Variants in STOX1 observed in about 807,000 individuals in gnomAD.
STOX1 encodes the protein storkhead box 1, also known as storkhead-box protein 1.
A neutral mutation model predicts 74.8 loss-of-function variants in STOX1; 57 were observed. The observed-to-expected ratio is 0.76, with a 90% CI of 0.62 to 0.95. The LOEUF (loss-of-function observed/expected upper bound fraction) is 0.95, where lower values mean the gene tolerates loss of function less well. STOX1 is among the 40% of genes least tolerant of loss of function. The pLI is 0.00. For synonymous variants in STOX1, 375 were observed against 401.3 expected (o/e 0.93, Z 0.78); for missense variants, 1,010 against 1,117.0 (o/e 0.90, Z 1.37).
intron 1 of STOX1, among the ~76,000 whole-genome samples, chr10:68,828,692 A>C (rs1447461577): frequency 6.6e-6 from 1 of 152,040 alleles, no homozygotes; most frequent in African/African-American, 2.4e-5. Flanking sequence ...TGGCAGCTTT[A>C]TTATTATTAT....
At chr10:68,832,327 G>A (rs746563868) in intron 1 of STOX1, among the ~76,000 whole-genome samples, 2 of 152,198 alleles carry the variant, frequency 1.3e-5, no homozygotes, top group African/African-American at 4.8e-5. Context: ...TATAGCTGGG[G>A]TGTCTCCACC....
At chr10:68,858,359 C>G (rs1219803250) in intron 1 of STOX1, among the ~76,000 whole-genome samples, 1 of 152,110 alleles carries the variant, frequency 6.6e-6, no homozygotes, top group Non-Finnish European at 1.5e-5. Flanking sequence ...GCCTTGTGAA[C>G]ATATACTGCA....
At chr10:68,852,637 G>A (rs998410336) in intron 1 of STOX1, among the ~76,000 whole-genome samples, 11 of 150,660 alleles carry the variant, frequency 7.3e-5, no homozygotes, top group Admixed American at 2.0e-4. Flanking sequence ...AGGCTGTAGC[G>A]CAGTCTCACG....
chr10:68,885,110 G>A lies in STOX1; in HGVS notation c.1314G>A (p.Gln438=), dbSNP rs760893486. The change falls in exon 3 of 4, where the codon CAG becomes CAA. Residue 438 remains glutamine (Q), a synonymous_variant. Coordinates refer to ENST00000298596, the MANE Select transcript of STOX1 (RefSeq NM_152709.5). ...GGGATAGACACAAAGCCAGGAATCA[G>A]GGAAGTGAGTTTCAGCCAGGAAGCA... ...SRRDRHKARN[Q]GSEFQPGSIR... 1.2e-6 allele frequency: 2 copies of A among 1,613,108 alleles called. No homozygotes were observed. Among genetic ancestry groups the A allele is most frequent in the Non-Finnish European group, 1.7e-6 (2 of 1,179,386 alleles).
At chr10:68,839,315 T>A (rs1334866964) in intron 1 of STOX1, among the ~76,000 whole-genome samples, 2 of 152,152 alleles carry the variant, frequency 1.3e-5, no homozygotes, top group Non-Finnish European at 2.9e-5. Context: ...CTTGATCTCC[T>A]GGGCTCAAGC....
rs532985099 is a variant in STOX1 at position 68,878,943 on chromosome 10, AAC to A, written c.311-3012_311-3011del. ...TAGCTACTTTAACATTGCTGTCATT[AAC>A]ACCCTAACCCTCTACCAGTCCAAAG... On this transcript the variant is annotated intron_variant, in intron 1 of 3. Coordinates refer to ENST00000298596, the MANE Select transcript of STOX1 (RefSeq NM_152709.5). Among the ~76,000 whole-genome samples the A allele has an allele frequency of 2.3e-3, 347 of 152,302 alleles. 1 individual carries two copies. Among genetic ancestry groups the A allele is most frequent in the African/African-American group, 7.9e-3 (328 of 41,560 alleles).
At chr10:68,860,173 C>T (rs181325612) in intron 1 of STOX1, among the ~76,000 whole-genome samples, 261 of 151,478 alleles carry the variant, frequency 1.7e-3, no homozygotes, top group Non-Finnish European at 3.1e-3. Context: ...GAGGCTGAGG[C>T]AGAAGAATCA....
At position 68,852,248 on chromosome 10, in the gene STOX1, G is replaced by GATTTTTTTTTTTTTTTTTTTTTTTTT. The variant is rs200461358; in HGVS notation, c.310+24315_310+24316insATTTTTTTTTTTTTTTTTTTTTTTTT. Among the ~76,000 whole-genome samples the GATTTTTTTTTTTTTTTTTTTTTTTTT allele has an allele frequency of 2.3e-5, 3 of 132,210 alleles. 1 individual carries two copies. Among genetic ancestry groups the GATTTTTTTTTTTTTTTTTTTTTTTTT allele is most frequent in the Non-Finnish European group, 4.8e-5 (3 of 62,218 alleles). 86.7% of individuals were successfully genotyped at this position (132,210 alleles called of 152,430 possible). On this transcript the variant is annotated intron_variant, in intron 1 of 3. Coordinates refer to ENST00000298596, the MANE Select transcript of STOX1 (RefSeq NM_152709.5). ...TATGAGTTTAAGTTTTTCTCTTACT[G>GATTTTTTTTTTTTTTTTTTTTTTTTT]CTTTTTTTTTTTTTTTTTTTTGAGA...
intron 1 of STOX1, among the ~76,000 whole-genome samples, chr10:68,829,229 C>T (rs1020307724): frequency 3.3e-5 from 5 of 152,252 alleles, no homozygotes; most frequent in Non-Finnish European, 5.9e-5. Context: ...AATCCCAGCA[C>T]TTTGAGAGGC....
chr10:68,872,252 A>G (rs1840552860), intron 1 of STOX1, among the ~76,000 whole-genome samples: 1 of 152,134 alleles, frequency 6.6e-6, no homozygotes, highest in Non-Finnish European at 1.5e-5. Flanking sequence ...ACACACTTGC[A>G]TAGGGACTAA....
chr10:68,834,690 C>G (rs543939288), intron 1 of STOX1, among the ~76,000 whole-genome samples: 1 of 152,186 alleles, frequency 6.6e-6, no homozygotes, highest in Non-Finnish European at 1.5e-5. Flanking sequence ...AGCTCTGCCT[C>G]GATTCTCAGA....
chr10:68,833,768 T>C (rs1313789331), intron 1 of STOX1, among the ~76,000 whole-genome samples: 1 of 152,016 alleles, frequency 6.6e-6, no homozygotes, highest in Non-Finnish European at 1.5e-5. Context: ...TTAGTTTTGC[T>C]TTTCTTTCTT....
intron 1 of STOX1, among the ~76,000 whole-genome samples, chr10:68,858,978 G>A (rs1052035232): frequency 2.0e-5 from 3 of 152,076 alleles, no homozygotes; most frequent in African/African-American, 7.3e-5. Flanking sequence ...GCCTGGGAGT[G>A]GGAGGCCTCT....
chr10:68,829,712 T>C (rs1839357430), intron 1 of STOX1, among the ~76,000 whole-genome samples: 1 of 151,840 alleles, frequency 6.6e-6, no homozygotes, highest in African/African-American at 2.4e-5. Flanking sequence ...TTCCCTCTCC[T>C]CCCCACCCCG....
intron 1 of STOX1, among the ~76,000 whole-genome samples, chr10:68,858,189 C>G (rs112593041): frequency 0.015 from 2,355 of 152,100 alleles, 98 homozygotes; most frequent in African/African-American, 0.054. Context: ...TGCCATGGGT[C>G]AATGGTACAG....
intron 1 of STOX1, among the ~76,000 whole-genome samples, chr10:68,853,454 AT>A (rs1840040490): frequency 1.3e-5 from 2 of 152,240 alleles, no homozygotes; most frequent in South Asian, 4.1e-4. Flanking sequence ...AAGTTTCTGA[AT>A]TAACCTGGCT....
Position 68,885,676 on chromosome 10 carries a change from A to C in STOX1, c.1880A>C (p.His627Pro). ...GAAGTCTTGAGGAAAAGTCATTCCC[A>C]CTTTGACAAATTAGGGGAGACCAAA... Reference protein sequence around the residue: ...IPEVLRKSHSHFDKLGETKQT... With the variant: ...IPEVLRKSHSPFDKLGETKQT... Residue 627 changes from histidine (H) to proline (P), a missense_variant, in exon 3 of 4, where the codon CAC (histidine) becomes CCC (proline). By Grantham distance (77) the His-to-Pro change is moderately conservative. Coordinates refer to ENST00000298596, the MANE Select transcript of STOX1 (RefSeq NM_152709.5). 6.2e-7 allele frequency: 1 copy of C among 1,614,168 alleles called. No individual in the cohort carries two copies.
intron 1 of STOX1, among the ~76,000 whole-genome samples, chr10:68,837,859 T>C (rs1377000245): frequency 1.3e-5 from 2 of 152,210 alleles, no homozygotes; most frequent in African/African-American, 4.8e-5. Flanking sequence ...TCCAATAAGA[T>C]ACCATCTATG....
At chr10:68,872,342 C>CTT (rs72451894) in intron 1 of STOX1, among the ~76,000 whole-genome samples, 1,451 of 89,282 alleles carry the variant, frequency 0.016, 46 homozygotes, top group African/African-American at 0.056. Context: ...TTTTTCTTTT[C>CTT]TTTTTTTTTT....
Sources: allele counts gnomAD v4.1 joint callset (sites outside exome capture counted in the v4.1 genomes callset), GRCh38; gene constraint gnomAD v4.1.1; transcripts MANE v1.5; gene names NCBI Gene and HGNC (gene_info 2026-07-23, HGNC 2026-07-21).